The following VPS36 variants were observed in gnomAD, a reference collection of about 807,000 sequenced individuals.
VPS36 encodes the protein vacuolar protein sorting 36 homolog.
In VPS36, 31 loss-of-function variants were observed where a neutral mutation model predicts 63.5. The observed-to-expected ratio is 0.49, with a 90% CI of 0.37 to 0.66. The LOEUF is 0.66. Among genes scored for constraint, VPS36 ranks in the 30% least tolerant of loss-of-function variants. The probability of loss-of-function intolerance (pLI) is 0.00; values close to 1 mark genes in which losing one functional copy is unlikely to be tolerated. For synonymous variants in VPS36, 138 were observed against 157.2 expected, an observed-to-expected ratio of 0.88 and a Z score of 0.91; for missense variants, 338 against 463.7, an observed-to-expected ratio of 0.73 and a Z score of 2.49.
intron 4 of VPS36, among the ~76,000 whole-genome samples, chr13:52,435,132 C>T (rs1368828428): frequency 6.6e-6 from 1 of 151,862 alleles, no homozygotes; most frequent in Non-Finnish European, 1.5e-5. Flanking sequence ...CCACCACACC[C>T]AGCTAATTTT....
chr13:52,422,408 T>C (rs1200035413), intron 10 of VPS36, among the ~76,000 whole-genome samples: 2 of 152,204 alleles, frequency 1.3e-5, no homozygotes, highest in Non-Finnish European at 2.9e-5. Flanking sequence ...AAAAAATGTT[T>C]ATTTTAGTTA....
intron 1 of VPS36, among the ~76,000 whole-genome samples, chr13:52,446,550 T>G (rs903258364): frequency 3.9e-5 from 6 of 152,196 alleles, no homozygotes; most frequent in Non-Finnish European, 7.3e-5. Flanking sequence ...GAACCTAGAA[T>G]AATTTTAACT....
At chr13:52,450,234 G>C (rs1256407583) in intron 1 of VPS36, 20 of 1,093,592 alleles carry the variant, frequency 1.8e-5, no homozygotes, top group Non-Finnish European at 2.1e-5. Flanking sequence ...CGGGCGGAGG[G>C]AAGCGGCCGC....
At chr13:52,432,092 C>T (rs1472011066) in intron 6 of VPS36, among the ~76,000 whole-genome samples, 1 of 152,196 alleles carries the variant, frequency 6.6e-6, no homozygotes, top group Non-Finnish European at 1.5e-5. Context: ...GTGGCACATG[C>T]CTGTAATCCC....
chr13:52,417,217 A>G, intron 11 of VPS36, 76 bp from the exon 12 acceptor site: 5 of 1,291,236 alleles, frequency 3.9e-6, no homozygotes, highest in Non-Finnish European at 5.6e-6. Context: ...GACATCTTTT[A>G]TACCTTCTTT....
chr13:52,423,740 A>T, intron 9 of VPS36, 101 bp from the exon 10 acceptor site: 1 of 1,129,034 alleles, frequency 8.9e-7, no homozygotes, highest in Non-Finnish European at 1.3e-6. Context: ...GAAATCAGAA[A>T]AATTTTTAAG....
At chr13:52,423,442 T>C (rs1003951631) in intron 10 of VPS36, 132 bp downstream of exon 10, 2 of 671,150 alleles carry the variant, frequency 3.0e-6, no homozygotes, top group Admixed American at 2.7e-5. Flanking sequence ...CCCAGGACAG[T>C]ATTCTTTCAC....
chr13:52,434,969 T>G (rs1289982803), intron 4 of VPS36, 87 bp from the exon 5 acceptor site: 22 of 1,280,754 alleles, frequency 1.7e-5, no homozygotes, highest in Non-Finnish European at 2.3e-5. Flanking sequence ...CTTTCTTTTT[T>G]TCTTTTTTTT....
intron 6 of VPS36, among the ~76,000 whole-genome samples, chr13:52,427,449 CAA>C (rs1282849888): frequency 6.6e-6 from 1 of 151,544 alleles, no homozygotes; most frequent in Non-Finnish European, 1.5e-5. Context: ...ACTAAAAATA[CAA>C]AAAAAATTAG....
At chr13:52,416,434 C>T (rs956247304) in intron 12 of VPS36, 18 of 199,642 alleles carry the variant, frequency 9.0e-5, no homozygotes, top group Admixed American at 5.6e-4. Context: ...AACGCTCCAG[C>T]GAAGGGACTT....
At chr13:52,439,682 G>A (rs1449406994) in intron 2 of VPS36, among the ~76,000 whole-genome samples, 1 of 152,044 alleles carries the variant, frequency 6.6e-6, no homozygotes, top group Non-Finnish European at 1.5e-5. Flanking sequence ...TCCTGACCTC[G>A]TAGTCCACCT....
chr13:52,425,837 A>G (rs1014990123), intron 9 of VPS36, 95 bp downstream of exon 9: 32 of 1,307,588 alleles, frequency 2.4e-5, no homozygotes, highest in Admixed American at 5.4e-5. Context: ...GACAATAACC[A>G]TATCATGAAA....
intron 4 of VPS36, among the ~76,000 whole-genome samples, chr13:52,435,315 C>A (rs1958203808): frequency 6.6e-6 from 1 of 151,762 alleles, no homozygotes; most frequent in Non-Finnish European, 1.5e-5. Context: ...TCATTTGCAG[C>A]AAGCCCAGAA....
intron 10 of VPS36, 64 bp from the exon 11 acceptor site, chr13:52,418,120 T>C (rs1183905834): frequency 7.3e-7 from 1 of 1,368,498 alleles, no homozygotes; most frequent in Non-Finnish European, 1.0e-6. Context: ...CAGAAGAGTA[T>C]ATTTTAAAAT....
chr13:52,449,860 C>A (rs1281967283), intron 1 of VPS36: 13 of 946,976 alleles, frequency 1.4e-5, no homozygotes, highest in African/African-American at 1.8e-5. Flanking sequence ...GAACGCCTTT[C>A]TAAAGCAATT....
chr13:52,440,201 A>G (rs1353122196), intron 2 of VPS36, among the ~76,000 whole-genome samples: 7 of 150,670 alleles, frequency 4.6e-5, no homozygotes, highest in African/African-American at 9.8e-5. Flanking sequence ...CTAGTCTCGA[A>G]CTCCTGACCT....
At chr13:52,431,762 C>CAA (rs60968712) in intron 6 of VPS36, among the ~76,000 whole-genome samples, 21 of 68,058 alleles carry the variant, frequency 3.1e-4, no homozygotes, top group African/African-American at 4.1e-4. Flanking sequence ...GACTCTGTCT[C>CAA]AAAAAAAAAA....
intron 1 of VPS36, among the ~76,000 whole-genome samples, 159 bp from the exon 2 acceptor site, chr13:52,442,604 C>A (rs1031669575): frequency 6.6e-6 from 1 of 152,158 alleles, no homozygotes; most frequent in Admixed American, 6.6e-5. Flanking sequence ...ATGCTACATA[C>A]TTCATAAGCT....
At chr13:52,447,636 G>A (rs1958358653) in intron 1 of VPS36, among the ~76,000 whole-genome samples, 1 of 152,194 alleles carries the variant, frequency 6.6e-6, no homozygotes, top group Non-Finnish European at 1.5e-5. Flanking sequence ...TGCAATTCTA[G>A]CTCTACCAGT....
Sources: gnomAD v4.1 joint callset for allele counts (sites outside exome capture counted in the v4.1 genomes callset) on GRCh38, gnomAD v4.1.1 for gene constraint, MANE v1.5 for transcripts, NCBI Gene and HGNC (gene_info 2026-07-23, HGNC 2026-07-21) for gene names.